The following FRMD3 variants were observed in gnomAD, a reference collection of about 807,000 sequenced individuals.
The protein encoded by FRMD3 is FERM domain containing 3, also known as FERM domain-containing protein 3.
A neutral mutation model predicts 70.2 loss-of-function variants in FRMD3; 33 were observed. The ratio of observed to expected loss-of-function variants is 0.47; its 90% confidence interval spans 0.36 to 0.63. The LOEUF is 0.63. Among genes scored for constraint, FRMD3 ranks in the 20% least tolerant of loss-of-function variants. The pLI, the probability that FRMD3 is intolerant of heterozygous loss-of-function variation, is 0.00. For missense variants in FRMD3, 632 were observed against 711.4 expected, an observed-to-expected ratio of 0.89 and a Z score of 1.27; for synonymous variants, 279 against 255.9, an observed-to-expected ratio of 1.09 and a Z score of -0.86.
At chr9:83,386,453 G>A (rs72745018) in intron 2 of FRMD3, among the ~76,000 whole-genome samples, 3,929 of 152,174 alleles carry the variant, frequency 0.026, 90 homozygotes, top group Admixed American at 0.035. Context: ...TAAAAGTTAC[G>A]TTAAATAGAG....
At chr9:83,584,265 C>A in the FRMD3 span, among the ~76,000 whole-genome samples, 6 of 151,948 alleles carry the variant, frequency 3.9e-5, no homozygotes, top group African/African-American at 1.5e-4. Context: ...GAGCTAAGAT[C>A]GCACCACTGC....
chr9:83,538,563 G>T, upstream of FRMD3: 1 of 206,794 alleles, frequency 4.8e-6, no homozygotes, highest in Non-Finnish European at 9.6e-6. This position sits in a 1 kb window ranked among gnomAD's most constrained non-coding sequence, Gnocchi z 4.7. Flanking sequence ...TCACTCCCAC[G>T]CGCGCCGAGC....
At chr9:83,473,808 G>A (rs1828329168) in intron 1 of FRMD3, among the ~76,000 whole-genome samples, 1 of 152,142 alleles carries the variant, frequency 6.6e-6, no homozygotes, top group Admixed American at 6.5e-5. Flanking sequence ...AATGTACCTT[G>A]CCCTCCTTCA....
intron 13 of FRMD3, 41 bp from the exon 14 acceptor site, chr9:83,248,557 A>AT: frequency 2.0e-6 from 3 of 1,520,550 alleles, no homozygotes; most frequent in Non-Finnish European, 2.6e-6. Context: ...AAAATTTCAG[A>AT]TTTTCCCACA....
At chr9:83,372,785 G>A in intron 3 of FRMD3, 128 bp downstream of exon 3, 1 of 813,224 alleles carries the variant, frequency 1.2e-6, no homozygotes, top group Admixed American at 2.0e-5. Context: ...CCTGGGGAGA[G>A]AGAAGCCCCC....
rs369972312 is a variant in FRMD3 at position 83,252,379 on chromosome 9, T to C, written c.1196-3863A>G. Among the ~76,000 whole-genome samples, 137 of 152,234 alleles carry C rather than the reference T, an allele frequency of 9.0e-4. 4 individuals carry two copies. The South Asian group carries it at 0.028, about 31-fold the overall frequency. Reference sequence around the variant, plus strand: ...AAGAGCTCCTGAAGGAAGTACTAAATATGGAAAGGAAAAACCATTTCCAGC... The same window carrying C: ...AAGAGCTCCTGAAGGAAGTACTAAACATGGAAAGGAAAAACCATTTCCAGC... On this transcript the variant is annotated intron_variant, in intron 13 of 13. Coordinates refer to ENST00000304195, the MANE Select transcript of FRMD3 (RefSeq NM_174938.6).
chr9:83,456,401 C>G (rs1044732699), intron 1 of FRMD3, among the ~76,000 whole-genome samples: 2 of 152,004 alleles, frequency 1.3e-5, no homozygotes, highest in Admixed American at 1.3e-4. Flanking sequence ...TCAAGAATAT[C>G]CACAACACAA....
At chr9:83,393,055 T>C (rs778814297) in intron 1 of FRMD3, among the ~76,000 whole-genome samples, 2 of 152,254 alleles carry the variant, frequency 1.3e-5, no homozygotes, top group Non-Finnish European at 2.9e-5. Context: ...CAAAGATCAG[T>C]AGGATTTGAT....
chr9:83,434,432 G>A (rs1282527860), intron 1 of FRMD3, among the ~76,000 whole-genome samples: 1 of 152,078 alleles, frequency 6.6e-6, no homozygotes, highest in Non-Finnish European at 1.5e-5. Context: ...TGTGAATGGG[G>A]ACAAATGTCC....
intron 1 of FRMD3, among the ~76,000 whole-genome samples, chr9:83,516,860 T>A (rs1829465703): frequency 6.6e-6 from 1 of 152,192 alleles, no homozygotes; most frequent in South Asian, 2.1e-4. Context: ...AACAACCTGC[T>A]CCTGAATTTC....
Position 83,357,220 on chromosome 9 carries a change from TATATTTTATATATATATAATACATAC to T in FRMD3, c.296-7489_296-7464del, listed in dbSNP as rs1169550796. ...ATATATATAACATACATGGAATATA[TATATTTTATATATATATAATACATAC>T]ATATATATATATATATATATATATA... On this transcript the variant is annotated intron_variant, in intron 3 of 13. Transcript: ENST00000304195. 1.8e-3 allele frequency among the ~76,000 whole-genome samples: 39 copies of T among 21,428 alleles called. 11 individuals carry two copies. Among genetic ancestry groups the T allele is most frequent in the East Asian group, 0.017 (3 of 172 alleles). 14.1% of individuals were successfully genotyped at this position (21,428 alleles called of 152,430 possible).
chr9:83,322,466 G>A lies in FRMD3; in HGVS notation c.597-8719C>T, dbSNP rs1835838819. 2.0e-5 allele frequency among the ~76,000 whole-genome samples: 3 copies of A among 152,150 alleles called. No homozygotes were observed. In the South Asian group the frequency reaches 6.2e-4, roughly 31 times the overall value. On this transcript the variant is annotated intron_variant, in intron 6 of 13. Coordinates refer to ENST00000304195, the MANE Select transcript of FRMD3 (RefSeq NM_174938.6). ...GCAGTAGGGATCCTCCTAGGGGTAT[G>A]TAGGAGCACCCATTCTCCTCTCCCC... is the stretch of plus-strand genomic sequence containing the variant.
intron 1 of FRMD3, among the ~76,000 whole-genome samples, chr9:83,473,804 C>T (rs1277039773): frequency 6.6e-6 from 1 of 152,300 alleles, no homozygotes; most frequent in East Asian, 1.9e-4. Context: ...AAGGAATGTA[C>T]CTTGCCCTCC....
At chr9:83,499,257 C>A (rs1829011474) in intron 1 of FRMD3, among the ~76,000 whole-genome samples, 1 of 152,126 alleles carries the variant, frequency 6.6e-6, no homozygotes, top group South Asian at 2.1e-4. Context: ...TGCAATCTCA[C>A]CACACTGACA....
intron 1 of FRMD3, among the ~76,000 whole-genome samples, chr9:83,485,801 C>T (rs1402374437): frequency 3.3e-5 from 5 of 152,104 alleles, no homozygotes; most frequent in Admixed American, 1.3e-4. Flanking sequence ...GTGTCATTCA[C>T]ATACATATAT....
At chr9:83,517,285 G>A (rs1275067685) in intron 1 of FRMD3, among the ~76,000 whole-genome samples, 1 of 151,882 alleles carries the variant, frequency 6.6e-6, no homozygotes, top group Admixed American at 6.6e-5. Flanking sequence ...AGTGATATAG[G>A]GAAGATCACC....
chr9:83,312,013 AGATT>A (rs1323254065), intron 7 of FRMD3, 38 bp from the exon 8 acceptor site: 3 of 1,447,498 alleles, frequency 2.1e-6, no homozygotes, highest in Non-Finnish European at 2.8e-6. Context: ...AAATCTGTTT[AGATT>A]GAGAAAAATA....
chr9:83,337,922 A>C (rs1216011009), intron 5 of FRMD3, among the ~76,000 whole-genome samples: 2 of 152,214 alleles, frequency 1.3e-5, no homozygotes, highest in Non-Finnish European at 2.9e-5. Flanking sequence ...ATCATACCAA[A>C]ATTAAAATTT....
At chr9:83,499,901 T>C (rs1829023945) in intron 1 of FRMD3, among the ~76,000 whole-genome samples, 1 of 152,072 alleles carries the variant, frequency 6.6e-6, no homozygotes, top group South Asian at 2.1e-4. Context: ...ATCCAGACAA[T>C]GGAATATTGT....
Sources: gnomAD v4.1 joint callset for allele counts (sites outside exome capture counted in the v4.1 genomes callset) on GRCh38, gnomAD v4.1.1 for gene constraint, Gnocchi (gnomAD v3.1) non-coding constraint, MANE v1.5 for transcripts, NCBI Gene and HGNC (gene_info 2026-07-23, HGNC 2026-07-21) for gene names.